The following MSI2 variants were observed in gnomAD, a reference collection of about 807,000 sequenced individuals.
The protein encoded by MSI2 is RNA-binding protein Musashi homolog 2.
In MSI2, 17 loss-of-function variants were observed where a neutral mutation model predicts 45.6. The ratio of observed to expected loss-of-function variants is 0.37; its 90% CI spans 0.26 to 0.56. MSI2 has a LOEUF of 0.56. Among genes scored for constraint, MSI2 ranks in the 20% least tolerant of loss-of-function variants. The probability of loss-of-function intolerance (pLI) is 0.77; values close to 1 mark genes in which losing one functional copy is unlikely to be tolerated. For synonymous variants in MSI2, 156 were observed against 158.2 expected, an observed-to-expected ratio of 0.99 and a Z score of 0.11; for missense variants, 293 against 444.2, an observed-to-expected ratio of 0.66 and a Z score of 3.06.
intron 9 of MSI2, among the ~76,000 whole-genome samples, chr17:57,620,859 G>A (rs1221419684): frequency 1.3e-5 from 2 of 152,162 alleles, no homozygotes; most frequent in Non-Finnish European, 2.9e-5. Flanking sequence ...CAGGCAGAAG[G>A]GATGAATCAG....
Position 57,675,131 on chromosome 17 carries a change from G to A in MSI2, c.945+5G>A. On this transcript the variant is annotated splice_donor_5th_base_variant and intron_variant, in intron 12 of 13. Transcript: ENST00000284073. ...GGCTTCGGCCACGGCATAGCTGTAA[G>A]TACCTGCCTTCCCCTGCCCTCCTGC... The A allele has an allele frequency of 6.2e-7, 1 of 1,610,880 alleles. No individual in the cohort carries two copies. Among genetic ancestry groups the A allele is most frequent in the Non-Finnish European group, 8.5e-7 (1 of 1,178,410 alleles).
chr17:57,609,864 C>T (rs1040772732), intron 8 of MSI2, among the ~76,000 whole-genome samples: 2 of 152,196 alleles, frequency 1.3e-5, no homozygotes, highest in Non-Finnish European at 2.9e-5. Flanking sequence ...CCACAGCACC[C>T]ACTCTCCTGG....
intron 6 of MSI2, among the ~76,000 whole-genome samples, chr17:57,483,423 G>T (rs1469543406): frequency 6.6e-6 from 1 of 152,134 alleles, no homozygotes; most frequent in African/African-American, 2.4e-5. Flanking sequence ...CACCTCTGGG[G>T]CTTATTCAAA....
chr17:57,386,578 G>T (rs2083689444), intron 5 of MSI2, among the ~76,000 whole-genome samples: 1 of 151,678 alleles, frequency 6.6e-6, no homozygotes. Context: ...ATTCTAGAGG[G>T]TGCATTGACC....
At chr17:57,507,883 C>T (rs1329826623) in intron 6 of MSI2, among the ~76,000 whole-genome samples, 1 of 151,816 alleles carries the variant, frequency 6.6e-6, no homozygotes, top group Non-Finnish European at 1.5e-5. Flanking sequence ...TGGCCTCAAG[C>T]GATCCTCCCA....
chr17:57,518,766 T>TGCAC (rs1306639665), intron 6 of MSI2, among the ~76,000 whole-genome samples: 3 of 152,190 alleles, frequency 2.0e-5, no homozygotes, highest in African/African-American at 7.2e-5. Context: ...CCCCAGCACA[T>TGCAC]GCACGCACGC....
chr17:57,580,431 C>T (rs547212279), intron 7 of MSI2, among the ~76,000 whole-genome samples: 23 of 152,300 alleles, frequency 1.5e-4, no homozygotes, highest in African/African-American at 5.1e-4. Flanking sequence ...CAGGAAACCC[C>T]GGGTGAGGCC....
intron 6 of MSI2, among the ~76,000 whole-genome samples, chr17:57,500,833 T>C (rs1281169404): frequency 6.8e-6 from 1 of 147,092 alleles, no homozygotes. Context: ...CATGGTGGCA[T>C]GTGCATGTAG....
intron 6 of MSI2, among the ~76,000 whole-genome samples, chr17:57,458,840 C>T (rs988451147): frequency 7.9e-5 from 12 of 152,178 alleles, no homozygotes; most frequent in South Asian, 4.1e-4. Flanking sequence ...CTGTGCAGGC[C>T]GTGGGAGGAT....
intron 7 of MSI2, among the ~76,000 whole-genome samples, chr17:57,593,406 C>T (rs1905014592): frequency 6.6e-6 from 1 of 152,166 alleles, no homozygotes; most frequent in South Asian, 2.1e-4. Flanking sequence ...TCCTTGCCTT[C>T]TGGAAAACCA....
chr17:57,545,382 T>C (rs913591598), intron 7 of MSI2, among the ~76,000 whole-genome samples: 2 of 152,204 alleles, frequency 1.3e-5, no homozygotes, highest in Non-Finnish European at 2.9e-5. Context: ...GTGAACCAGC[T>C]ACCATATTTA....
chr17:57,571,278 G>A (rs1263590046), intron 7 of MSI2, among the ~76,000 whole-genome samples: 1 of 152,184 alleles, frequency 6.6e-6, no homozygotes, highest in Non-Finnish European at 1.5e-5. Context: ...GGCCGCCCTG[G>A]GAAGGGGAGA....
At chr17:57,278,999 T>G (rs1909153464) in intron 5 of MSI2, 1 of 151,566 alleles carries the variant, frequency 6.6e-6, no homozygotes. Flanking sequence ...GTTGGCTGTA[T>G]CTCAGCTTTC....
At chr17:57,311,641 T>G (rs1598104481) in intron 5 of MSI2, among the ~76,000 whole-genome samples, 1 of 152,152 alleles carries the variant, frequency 6.6e-6, no homozygotes, top group African/African-American at 2.4e-5. Flanking sequence ...CCTCCTATTC[T>G]TGGGCTTAAG....
intron 5 of MSI2, among the ~76,000 whole-genome samples, chr17:57,269,880 A>C (rs1021401048): frequency 6.6e-6 from 1 of 152,116 alleles, no homozygotes; most frequent in African/African-American, 2.4e-5. Flanking sequence ...TTTTGGAATC[A>C]TGATCTCTGC....
intron 5 of MSI2, among the ~76,000 whole-genome samples, chr17:57,323,824 G>C (rs948665962): frequency 3.9e-5 from 6 of 152,184 alleles, no homozygotes; most frequent in Non-Finnish European, 8.8e-5. Flanking sequence ...GGACATCTAG[G>C]TCTTAATTTC....
chr17:57,620,169 C>T (rs1263414534), intron 9 of MSI2, among the ~76,000 whole-genome samples: 2 of 152,200 alleles, frequency 1.3e-5, no homozygotes, highest in Non-Finnish European at 2.9e-5. Context: ...ATCAGCAGAC[C>T]TGGACTCTTC....
intron 5 of MSI2, among the ~76,000 whole-genome samples, chr17:57,324,007 G>A (rs1913569229): frequency 6.6e-6 from 1 of 152,164 alleles, no homozygotes; most frequent in African/African-American, 2.4e-5. Flanking sequence ...TGTCCTTAAG[G>A]ATCACACACA....
At chr17:57,401,496 G>T (rs370373685) in intron 6 of MSI2, 25 bp downstream of exon 6, 7 of 1,587,900 alleles carry the variant, frequency 4.4e-6, no homozygotes, top group Non-Finnish European at 6.1e-6. Flanking sequence ...GGGTTGGATG[G>T]CACATGCCAG....
Sources: gnomAD v4.1 joint callset for allele counts (sites outside exome capture counted in the v4.1 genomes callset) on GRCh38, gnomAD v4.1.1 for gene constraint, MANE v1.5 for transcripts, NCBI Gene and HGNC (gene_info 2026-07-23, HGNC 2026-07-21) for gene names.